MOXD1: variants seen among roughly 807,000 people sequenced by gnomAD.
The protein encoded by MOXD1 is DBH-like monooxygenase protein 1.
Under a neutral mutation model 66.6 loss-of-function variants are expected in MOXD1, and 62 were observed. The observed-to-expected ratio is 0.93, with a 90% CI of 0.76 to 1.15. The LOEUF is 1.15. Ranked by LOEUF, MOXD1 falls within the 50% of genes most tolerant of loss-of-function variation. The pLI is 0.00. For synonymous variants in MOXD1, 303 were observed against 281.9 expected, an observed-to-expected ratio of 1.07 and a Z score of -0.75; for missense variants, 847 against 754.6, an observed-to-expected ratio of 1.12 and a Z score of -1.44.
intron 1 of MOXD1, among the ~76,000 whole-genome samples, chr6:132,393,715 C>A (rs1050724082): frequency 1.3e-5 from 2 of 152,304 alleles, no homozygotes; most frequent in Admixed American, 6.5e-5. Flanking sequence ...CCGCCCCTGC[C>A]AGAATGTGTT....
At chr6:132,394,260 T>G (rs1473138178) in intron 1 of MOXD1, among the ~76,000 whole-genome samples, 2 of 151,718 alleles carry the variant, frequency 1.3e-5, no homozygotes, top group Non-Finnish European at 2.9e-5. Context: ...ACACCTAGAG[T>G]CAAGGCCAAA....
At chr6:132,396,596 T>C (rs1212638334) in intron 1 of MOXD1, among the ~76,000 whole-genome samples, 2 of 151,890 alleles carry the variant, frequency 1.3e-5, no homozygotes, top group Admixed American at 6.5e-5. Flanking sequence ...GAAGTTAGTT[T>C]TTTGAAAAGA....
chr6:132,372,432 C>T (rs1776281281), intron 4 of MOXD1, among the ~76,000 whole-genome samples, 176 bp downstream of exon 4: 1 of 152,126 alleles, frequency 6.6e-6, no homozygotes, highest in Non-Finnish European at 1.5e-5. Context: ...TAGATATAAT[C>T]CAAGCTTTCA....
At chr6:132,321,577 T>C (rs951899633) in intron 8 of MOXD1, among the ~76,000 whole-genome samples, 1 of 152,190 alleles carries the variant, frequency 6.6e-6, no homozygotes, top group Non-Finnish European at 1.5e-5. Context: ...AAGCTATTCA[T>C]AGACCTGAGG....
chr6:132,298,685 C>T (rs1424862773), intron 10 of MOXD1, among the ~76,000 whole-genome samples: 1 of 151,820 alleles, frequency 6.6e-6, no homozygotes, highest in Admixed American at 6.6e-5. Flanking sequence ...CACTAATAAT[C>T]ATCAGAAAAA....
intron 4 of MOXD1, among the ~76,000 whole-genome samples, chr6:132,370,626 G>C (rs1776245358): frequency 6.6e-6 from 1 of 152,050 alleles, no homozygotes; most frequent in African/African-American, 2.4e-5. Context: ...AACAACAAAA[G>C]TTTGTATGAG....
chr6:132,340,338 C>T (rs1217219006), intron 4 of MOXD1, among the ~76,000 whole-genome samples: 1 of 152,022 alleles, frequency 6.6e-6, no homozygotes, highest in South Asian at 2.1e-4. Context: ...TTGTTTCTTC[C>T]CGTCTTCAGA....
chr6:132,297,906 A>G lies in MOXD1; in HGVS notation c.1558T>C (p.Phe520Leu). The G allele has an allele frequency of 6.2e-7, 1 of 1,613,036 alleles. No individual in the cohort carries two copies. Among genetic ancestry groups the G allele is most frequent in the Non-Finnish European group, 8.5e-7 (1 of 1,179,580 alleles). Residue 520 changes from phenylalanine to leucine, a missense_variant, in exon 11 of 12, where the codon TTC becomes CTC. Coordinates refer to ENST00000367963, the MANE Select transcript of MOXD1 (RefSeq NM_015529.4). ...KSPKQYKNLS[F>L]MDAMNKFKWT... ...TTAAACTTATTCATAGCATCCATGAAAGAAAGGTTTTTATATTGCTTGGGA... is the reference window on the plus strand; with the variant it reads ...TTAAACTTATTCATAGCATCCATGAGAGAAAGGTTTTTATATTGCTTGGGA...
At position 132,349,434 on chromosome 6, in the gene MOXD1, T is replaced by TAC. The variant is rs1349053790; in HGVS notation, c.664-20842_664-20841dup. Reference sequence around the variant, plus strand: ...ATATATATATATACATATATATATATACATATATATATATATACATATATA... The same window carrying TAC: ...ATATATATATATACATATATATATATACACATATATATATATATACATATATA... On this transcript the variant is annotated intron_variant, in intron 4 of 11. Coordinates refer to ENST00000367963, the MANE Select transcript of MOXD1 (RefSeq NM_015529.4). Among the ~76,000 whole-genome samples, 282 of 32,086 alleles carry TAC rather than the reference T, an allele frequency of 8.8e-3. 45 individuals carry two copies. Among genetic ancestry groups the TAC allele is most frequent in the African/African-American group, 0.025 (166 of 6,526 alleles). 21.0% of individuals were successfully genotyped at this position (32,086 alleles called of 152,430 possible).
chr6:132,304,372 G>A (rs1051768054), intron 10 of MOXD1, among the ~76,000 whole-genome samples: 1 of 152,072 alleles, frequency 6.6e-6, no homozygotes, highest in Non-Finnish European at 1.5e-5. Context: ...AAATTACCCA[G>A]TCTAAGCTAT....
chr6:132,336,978 C>A (rs1290531760), intron 4 of MOXD1, among the ~76,000 whole-genome samples: 2 of 152,094 alleles, frequency 1.3e-5, no homozygotes, highest in East Asian at 3.9e-4. Flanking sequence ...GGTTCAGCAA[C>A]CTCCAGGGAT....
intron 4 of MOXD1, among the ~76,000 whole-genome samples, chr6:132,369,757 C>A (rs1776227273): frequency 6.6e-6 from 1 of 152,032 alleles, no homozygotes; most frequent in South Asian, 2.1e-4. Context: ...CACGTCCCAG[C>A]TGGAATGAAG....
intron 4 of MOXD1, among the ~76,000 whole-genome samples, chr6:132,338,813 A>G (rs1483308681): frequency 6.6e-6 from 1 of 152,228 alleles, no homozygotes; most frequent in African/African-American, 2.4e-5. Flanking sequence ...ATTAGTGATA[A>G]TGAGGCTTAC....
chr6:132,332,627 T>C (rs1481138094), intron 4 of MOXD1, among the ~76,000 whole-genome samples: 2 of 152,088 alleles, frequency 1.3e-5, no homozygotes, highest in East Asian at 3.9e-4. Context: ...TGGGAGTACT[T>C]TGATCAGTGC....
intron 4 of MOXD1, among the ~76,000 whole-genome samples, chr6:132,349,588 G>T (rs779800039): frequency 2.0e-5 from 3 of 148,850 alleles, no homozygotes; most frequent in Non-Finnish European, 4.5e-5. Flanking sequence ...AACATTCGTG[G>T]GCAAGTATCT....
intron 7 of MOXD1, among the ~76,000 whole-genome samples, chr6:132,323,379 C>CACA (rs1352460884): frequency 6.6e-6 from 1 of 152,130 alleles, no homozygotes; most frequent in Non-Finnish European, 1.5e-5. Context: ...ACCAGTCTGC[C>CACA]ATACTGTCCT....
intron 4 of MOXD1, among the ~76,000 whole-genome samples, chr6:132,341,824 G>A (rs1423219325): frequency 6.6e-6 from 1 of 152,016 alleles, no homozygotes; most frequent in Non-Finnish European, 1.5e-5. Context: ...TGATTATTTT[G>A]GCTCACATTT....
chr6:132,382,797 G>A (rs969880730), intron 1 of MOXD1, among the ~76,000 whole-genome samples: 1 of 152,112 alleles, frequency 6.6e-6, no homozygotes, highest in African/African-American at 2.4e-5. Flanking sequence ...TAGCATGATA[G>A]CCTCAGTACT....
chr6:132,313,680 G>A (rs890056413), intron 10 of MOXD1, among the ~76,000 whole-genome samples: 11 of 152,168 alleles, frequency 7.2e-5, no homozygotes, highest in South Asian at 4.1e-4. Flanking sequence ...TTGGGAGGCC[G>A]AGGCGGGTGG....
Sources: allele counts gnomAD v4.1 joint callset (sites outside exome capture counted in the v4.1 genomes callset), GRCh38; gene constraint gnomAD v4.1.1; transcripts MANE v1.5; gene names NCBI Gene and HGNC (gene_info 2026-07-23, HGNC 2026-07-21).